LY75: variants seen among roughly 807,000 people sequenced by gnomAD.
LY75 encodes C-type lectin domain family 13 member B.
LY75 carries 185 observed loss-of-function variants against 231.7 expected under a neutral mutation model. That is an observed-to-expected ratio of 0.80 (90% confidence interval 0.71 to 0.90). The LOEUF is 0.90. Ranked by LOEUF, LY75 falls within the 40% of genes least tolerant of loss-of-function variation. The pLI, the probability that LY75 is intolerant of heterozygous loss-of-function variation, is 0.00. For missense variants in LY75, 1,947 were observed against 2,050.2 expected, an observed-to-expected ratio of 0.95 and a Z score of 0.97; for synonymous variants, 668 against 689.0, an observed-to-expected ratio of 0.97 and a Z score of 0.48.
chr2:159,897,832 T>A (rs974004448), intron 2 of LY75, among the ~76,000 whole-genome samples: 1 of 152,182 alleles, frequency 6.6e-6, no homozygotes, highest in Non-Finnish European at 1.5e-5. Context: ...GTTAAAAAAA[T>A]AAATCTACTC....
chr2:159,853,427 T>C lies in LY75; in HGVS notation c.2664-75A>G, dbSNP rs1684460833. On this transcript the variant is annotated intron_variant, in intron 19 of 34. Transcript: ENST00000263636. ...ATTTTTTTCTTTTTACTGTAAGTTA[T>C]TTTATTTCTAAATTTAATGTTAATA... 62 of 1,542,646 alleles carry C rather than the reference T, an allele frequency of 4.0e-5. No individual in the cohort carries two copies. In the South Asian group the frequency reaches 6.8e-4, roughly 17 times the overall value.
At chr2:159,875,328 A>G (rs1685232148) in intron 12 of LY75, 116 bp downstream of exon 12, 1 of 1,396,444 alleles carries the variant, frequency 7.2e-7, no homozygotes, top group Non-Finnish European at 9.6e-7. Context: ...TGTGCTCCAG[A>G]GCACTTTAGT....
At position 159,808,575 on chromosome 2, in the gene LY75, T is replaced by C. The variant is rs374734880; in HGVS notation, c.4700-4A>G. 17 of 1,612,802 alleles carry C rather than the reference T, an allele frequency of 1.1e-5. No homozygotes were observed. The African/African-American group carries it at 1.7e-4, about 16-fold the overall frequency. ...GAAACGATAGTTGCAGAGTGATCTG[T>C]TGAAAGAAAACACATTCTCAATTAG... On this transcript the variant is annotated splice_polypyrimidine_tract_variant and splice_region_variant and intron_variant, in intron 32 of 34. Coordinates refer to ENST00000263636, the MANE Select transcript of LY75 (RefSeq NM_002349.4).
At chr2:159,826,829 C>G (rs1157780866) in intron 28 of LY75, among the ~76,000 whole-genome samples, 1 of 152,150 alleles carries the variant, frequency 6.6e-6, no homozygotes, top group Non-Finnish European at 1.5e-5. Flanking sequence ...TGATCTTTGA[C>G]AAATCTGACA....
At position 159,899,103 on chromosome 2, in the gene LY75, C is replaced by T. The variant is rs764126050; in HGVS notation, c.95-44G>A. 51 of 1,578,510 alleles carry T rather than the reference C, an allele frequency of 3.2e-5. No individual in the cohort carries two copies. In the East Asian group the frequency reaches 6.7e-4, roughly 21 times the overall value. On this transcript the variant is annotated intron_variant, in intron 1 of 34. Coordinates refer to ENST00000263636, the MANE Select transcript of LY75 (RefSeq NM_002349.4). ...CAGATTGTAGATTATGTGGTTGAAG[C>T]GCCTTGCTCCCTGCCTGCTGAGGAG...
chr2:159,887,610 A>G (rs908287913), intron 4 of LY75, among the ~76,000 whole-genome samples: 41 of 151,866 alleles, frequency 2.7e-4, no homozygotes, highest in African/African-American at 9.4e-4. Flanking sequence ...GATAGAAAGC[A>G]GAGTTTTAGA....
rs1351136843 is a variant in LY75 at position 159,874,858 on chromosome 2, T to G, written c.1974+586A>C. Among the ~76,000 whole-genome samples the G allele has an allele frequency of 1.5e-4, 19 of 129,802 alleles. 1 individual carries two copies. The highest frequency in any genetic ancestry group is 5.2e-4 in the African/African-American group (18 of 34,632). 85.2% of individuals were successfully genotyped at this position (129,802 alleles called of 152,430 possible). On this transcript the variant is annotated intron_variant, in intron 12 of 34. Transcript: ENST00000263636. ...TTGTAAATATATGTAAATATATATA[T>G]ATTTTGTAAATATATATACATATAT...
chr2:159,830,857 C>T (rs2556099), intron 28 of LY75, among the ~76,000 whole-genome samples: 62,102 of 151,970 alleles, frequency 0.41, 14,377 homozygotes, highest in Non-Finnish European at 0.52. Context: ...ACTGGGATTA[C>T]AGGCGTGGGA....
chr2:159,877,027 A>G (rs920251196), intron 11 of LY75, among the ~76,000 whole-genome samples: 2 of 150,324 alleles, frequency 1.3e-5, no homozygotes, highest in Admixed American at 6.6e-5. Context: ...AAAAAAAAAA[A>G]AAAAAAAGAA....
chr2:159,886,111 C>A (rs1183681603), intron 5 of LY75, among the ~76,000 whole-genome samples: 1 of 152,136 alleles, frequency 6.6e-6, no homozygotes, highest in East Asian at 1.9e-4. Context: ...GAGTTATAGA[C>A]ATGCCAAGTC....
chr2:159,807,935 T>C (rs1270034602), intron 33 of LY75: 3 of 979,276 alleles, frequency 3.1e-6, no homozygotes, highest in Non-Finnish European at 3.6e-6. Context: ...TGGCAAAAGC[T>C]GCAATTACTT....
At chr2:159,867,270 A>AT (rs920987786) in intron 13 of LY75, among the ~76,000 whole-genome samples, 107 of 152,164 alleles carry the variant, frequency 7.0e-4, no homozygotes, top group African/African-American at 2.4e-3. Context: ...ACATGTATGT[A>AT]TTTTTTTTGT....
chr2:159,872,728 A>G (rs41264215), intron 12 of LY75, 135 bp from the exon 13 acceptor site: 280,263 of 940,988 alleles, frequency 0.3, 48,795 homozygotes, highest in Non-Finnish European at 0.36. Flanking sequence ...AGGTAAATGC[A>G]CATATACTGA....
At chr2:159,892,462 G>A (rs1357474288) in intron 3 of LY75, among the ~76,000 whole-genome samples, 2 of 152,108 alleles carry the variant, frequency 1.3e-5, no homozygotes, top group African/African-American at 4.8e-5. Context: ...TGTAAAATGG[G>A]GATAAAGTAT....
intron 14 of LY75, among the ~76,000 whole-genome samples, chr2:159,863,226 T>G (rs986059024): frequency 2.6e-5 from 4 of 152,152 alleles, no homozygotes; most frequent in Middle Eastern, 3.2e-3. Flanking sequence ...GACACTTAGG[T>G]TGATTTCCTA....
At chr2:159,870,584 A>G (rs557812901) in intron 13 of LY75, among the ~76,000 whole-genome samples, 2 of 152,112 alleles carry the variant, frequency 1.3e-5, no homozygotes, top group Admixed American at 1.3e-4. Flanking sequence ...GTCTCACTGT[A>G]TCCTTGAACT....
intron 8 of LY75, among the ~76,000 whole-genome samples, chr2:159,880,596 A>C (rs1049276835): frequency 2.0e-5 from 3 of 152,196 alleles, no homozygotes; most frequent in African/African-American, 7.2e-5. Flanking sequence ...CTCAGATAGG[A>C]TATGGGTTGC....
At chr2:159,859,680 G>A (rs945142445) in intron 15 of LY75, among the ~76,000 whole-genome samples, 4 of 152,094 alleles carry the variant, frequency 2.6e-5, no homozygotes, top group African/African-American at 9.7e-5. Flanking sequence ...AGACACACAT[G>A]GGTGTAAATT....
chr2:159,842,466 C>G (rs971572494), intron 23 of LY75, 92 bp from the exon 24 acceptor site: 7 of 1,399,054 alleles, frequency 5.0e-6, no homozygotes, highest in Admixed American at 5.2e-5. Context: ...TGAATTTGTC[C>G]CCCTATAAAA....
Sources: gnomAD v4.1 joint callset for allele counts (sites outside exome capture counted in the v4.1 genomes callset) on GRCh38, gnomAD v4.1.1 for gene constraint, MANE v1.5 for transcripts, NCBI Gene and HGNC (gene_info 2026-07-23, HGNC 2026-07-21) for gene names.